The following VWA3B variants were observed in gnomAD, a reference collection of about 807,000 sequenced individuals.
The protein encoded by VWA3B is von Willebrand factor A domain containing 3B.
VWA3B carries 138 observed loss-of-function variants against 158.3 expected under a neutral mutation model. That is an observed-to-expected ratio of 0.87 (90% CI 0.76 to 1.00). The LOEUF (loss-of-function observed/expected upper bound fraction) is 1.00. VWA3B is among the 50% of genes least tolerant of loss of function. The probability of loss-of-function intolerance (pLI) is 0.00; values close to 1 mark genes in which losing one functional copy is unlikely to be tolerated. For synonymous variants in VWA3B, 596 were observed against 587.3 expected (o/e 1.01, Z -0.21); for missense variants, 1,555 against 1,565.1 (o/e 0.99, Z 0.11).
intron 19 of VWA3B, among the ~76,000 whole-genome samples, chr2:98,237,091 G>A (rs901748112): frequency 1.3e-5 from 2 of 152,224 alleles, no homozygotes; most frequent in East Asian, 1.9e-4. Context: ...TGGGAGAATC[G>A]CTTGAGCCTG....
chr2:98,113,230 A>T (rs1298146711), intron 2 of VWA3B, among the ~76,000 whole-genome samples: 1 of 152,078 alleles, frequency 6.6e-6, no homozygotes, highest in Non-Finnish European at 1.5e-5. Context: ...TATGCTGGAC[A>T]ATGTGAATGG....
rs771505022 is a variant in VWA3B, at chr2:98,121,393, G to A, written c.637G>A (p.Val213Ile). The A allele has an allele frequency of 4.3e-6, 7 of 1,614,234 alleles. No homozygotes were observed. Among genetic ancestry groups the A allele is most frequent in the Non-Finnish European group, 5.1e-6 (6 of 1,180,038 alleles). Residue 213 changes from valine to isoleucine, a missense_variant, in exon 5 of 28, where the codon GTT becomes ATT. Physicochemically the swap from Val to Ile is conservative, Grantham distance 29. Transcript: ENST00000477737. ...CATCAGTTGGGTTGAGAAACTGACG[G>A]TTGAGCTGACTGTGAGCGAGGCTGG... is the stretch of plus-strand genomic sequence containing the variant. ...TAISWVEKLT[V>I]ELTVSEAGRL...
At chr2:98,219,786 T>A (rs1684332877) in intron 14 of VWA3B, among the ~76,000 whole-genome samples, 1 of 152,156 alleles carries the variant, frequency 6.6e-6, no homozygotes, top group African/African-American at 2.4e-5. Flanking sequence ...GAAACATGTT[T>A]AAAATACTGA....
At chr2:98,236,882 AG>A (rs1685735532) in intron 19 of VWA3B, 152 bp downstream of exon 19, 1 of 1,166,014 alleles carries the variant, frequency 8.6e-7, no homozygotes, top group Non-Finnish European at 1.2e-6. Context: ...GGAGAGAGAG[AG>A]GCTTTTAAGA....
At chr2:98,138,519 A>G (rs1222017005) in intron 7 of VWA3B, among the ~76,000 whole-genome samples, 1 of 152,214 alleles carries the variant, frequency 6.6e-6, no homozygotes, top group Non-Finnish European at 1.5e-5. Context: ...CCTGCTGCGT[A>G]TGCCCCCTGA....
intron 7 of VWA3B, among the ~76,000 whole-genome samples, chr2:98,154,695 C>T (rs550240032): frequency 1.2e-4 from 19 of 152,266 alleles, no homozygotes; most frequent in Admixed American, 3.9e-4. Context: ...CAAGGGAATC[C>T]GGGCATCCTG....
intron 8 of VWA3B, among the ~76,000 whole-genome samples, chr2:98,173,645 T>C (rs1679775635): frequency 6.6e-6 from 1 of 152,158 alleles, no homozygotes; most frequent in Non-Finnish European, 1.5e-5. Flanking sequence ...TGGTGAAATG[T>C]CAATGTTAAA....
chr2:98,323,755 G>T, the VWA3B span, among the ~76,000 whole-genome samples: 3 of 152,328 alleles, frequency 2.0e-5, no homozygotes, highest in East Asian at 5.8e-4. Flanking sequence ...GGCACTGGAG[G>T]ATATTGGAAT....
chr2:98,328,879 C>T, the VWA3B span, among the ~76,000 whole-genome samples: 1 of 152,178 alleles, frequency 6.6e-6, no homozygotes, highest in Non-Finnish European at 1.5e-5. Flanking sequence ...ATTTCCAAAT[C>T]ATTCTTAATA....
chr2:98,219,801 C>G (rs1366448222), intron 14 of VWA3B, among the ~76,000 whole-genome samples: 2 of 152,176 alleles, frequency 1.3e-5, no homozygotes, highest in Non-Finnish European at 2.9e-5. Flanking sequence ...TACTGAGAGA[C>G]TGTCCACATA....
At chr2:98,209,230 G>C (rs1651075477) in intron 12 of VWA3B, among the ~76,000 whole-genome samples, 1 of 151,980 alleles carries the variant, frequency 6.6e-6, no homozygotes, top group Admixed American at 6.6e-5. Context: ...GATTTGCTTA[G>C]CTTCTTGAAT....
chr2:98,263,029 T>C (rs1209425069), intron 21 of VWA3B, among the ~76,000 whole-genome samples: 1 of 151,920 alleles, frequency 6.6e-6, no homozygotes, highest in Non-Finnish European at 1.5e-5. Flanking sequence ...TTGTTCTTTT[T>C]GGTGCTATTG....
In VWA3B at chr2:98,162,964, A is replaced by G. The variant is rs1678750993; in HGVS notation, c.1102A>G (p.Thr368Ala). ...CGAGCCTCCCAAGCCCGACGTGGCC[A>G]CTGTGGACTGCGGTTGGTGCTATTT... ...VAEPPKPDVA[T>A]VDCESETTSV... Residue 368 changes from threonine (T) to alanine (A), a missense_variant, in exon 8 of 28, where the codon ACT becomes GCT. Physicochemically the swap from Thr to Ala is moderately conservative, Grantham distance 58 (BLOSUM62 0). Coordinates refer to ENST00000477737, the MANE Select transcript of VWA3B (RefSeq NM_144992.5). 1.2e-6 allele frequency: 2 copies of G among 1,614,024 alleles called. No homozygotes were observed. Among genetic ancestry groups the G allele is most frequent in the Admixed American group, 1.7e-5 (1 of 60,012 alleles).
Position 98,311,958 on chromosome 2 carries a change from C to T in VWA3B, c.3661C>T (p.Pro1221Ser). 6.2e-7 allele frequency: 1 copy of T among 1,606,306 alleles called. No homozygotes were observed. Among genetic ancestry groups the T allele is most frequent in the Non-Finnish European group, 8.5e-7 (1 of 1,176,398 alleles). ...PAKQPLQQAA[P>S]SDSDGSSHGI... ...CAAGCAGCCACTCCAGCAGGCGGCG[C>T]CCTCGGACTCGGACGGCTCCTCCCA... Residue 1221 changes from proline (P) to serine (S), a missense_variant, in exon 27 of 28, where the codon CCC (proline) becomes TCC (serine). Transcript: ENST00000477737.
At chr2:98,300,833 G>T (rs371622505) in intron 25 of VWA3B, among the ~76,000 whole-genome samples, 2 of 151,980 alleles carry the variant, frequency 1.3e-5, no homozygotes, top group Non-Finnish European at 2.9e-5. Context: ...TTCCCCAAGC[G>T]CCTCCTTCTC....
At chr2:98,279,111 C>T (rs192142680) in intron 22 of VWA3B, among the ~76,000 whole-genome samples, 44 of 152,226 alleles carry the variant, frequency 2.9e-4, no homozygotes, top group African/African-American at 1.0e-3. Context: ...AAATGAAGCC[C>T]TTCATTACTG....
chr2:98,222,092 T>C (rs1684557326), intron 14 of VWA3B, among the ~76,000 whole-genome samples: 1 of 151,806 alleles, frequency 6.6e-6, no homozygotes, highest in African/African-American at 2.4e-5. Context: ...GTCCTCCCCA[T>C]AATGTCAGCA....
chr2:98,326,744 G>A, the VWA3B span, among the ~76,000 whole-genome samples: 1 of 151,416 alleles, frequency 6.6e-6, no homozygotes, highest in Admixed American at 6.6e-5. Flanking sequence ...GCAACAGAGT[G>A]AGACCCTATC....
intron 7 of VWA3B, among the ~76,000 whole-genome samples, chr2:98,139,464 C>T (rs1248007942): frequency 6.6e-6 from 1 of 152,242 alleles, no homozygotes; most frequent in Non-Finnish European, 1.5e-5. Context: ...CAGCGGGGCT[C>T]CTGAGTCTGG....
Sources: gnomAD v4.1 joint callset for allele counts (sites outside exome capture counted in the v4.1 genomes callset) on GRCh38, gnomAD v4.1.1 for gene constraint, MANE v1.5 for transcripts, NCBI Gene and HGNC (gene_info 2026-07-23, HGNC 2026-07-21) for gene names.